The following NCAM2 variants were observed in gnomAD, a reference collection of about 807,000 sequenced individuals.
NCAM2 encodes the protein N-CAM-2.
In NCAM2, 30 loss-of-function variants were observed where a neutral mutation model predicts 98.1. That is an observed-to-expected ratio of 0.31 (90% confidence interval 0.23 to 0.41). The LOEUF (loss-of-function observed/expected upper bound fraction) is 0.41, where lower values mean the gene tolerates loss of function less well. NCAM2 is among the 10% of genes least tolerant of loss of function. NCAM2 has a pLI of 1.00. For synonymous variants in NCAM2, 368 were observed against 342.4 expected, an observed-to-expected ratio of 1.07 and a Z score of -0.83; for missense variants, 867 against 1,005.8, an observed-to-expected ratio of 0.86 and a Z score of 1.87.
intron 1 of NCAM2, among the ~76,000 whole-genome samples, chr21:21,114,216 A>G (rs117181070): frequency 1.1e-3 from 175 of 152,350 alleles, no homozygotes; most frequent in South Asian, 1.4e-3. Flanking sequence ...TTTAGCAGAA[A>G]GATGTGGCAG....
chr21:21,391,746 T>C (rs1284795892), intron 9 of NCAM2, among the ~76,000 whole-genome samples: 1 of 152,182 alleles, frequency 6.6e-6, no homozygotes, highest in African/African-American at 2.4e-5. Context: ...AAATCATTAT[T>C]TTTAGTACTC....
chr21:21,350,945 A>G (rs1177618648), intron 8 of NCAM2, among the ~76,000 whole-genome samples: 81 of 130,778 alleles, frequency 6.2e-4, no homozygotes, highest in Admixed American at 3.4e-3. Context: ...AAAAAAAAAA[A>G]AAAGGAGAGA....
At chr21:21,412,289 G>A (rs990099751) in intron 10 of NCAM2, among the ~76,000 whole-genome samples, 1 of 152,138 alleles carries the variant, frequency 6.6e-6, no homozygotes, top group African/African-American at 2.4e-5. Flanking sequence ...TACCAGTCCT[G>A]TTGGATTAGG....
chr21:21,420,533 AC>A (rs1262575513), intron 11 of NCAM2, among the ~76,000 whole-genome samples: 2 of 151,996 alleles, frequency 1.3e-5, no homozygotes, highest in Non-Finnish European at 2.9e-5. Flanking sequence ...AAATTTTATA[AC>A]CTTTTCAGGT....
chr21:21,021,401 A>T (rs1285998319), intron 1 of NCAM2, among the ~76,000 whole-genome samples: 1 of 152,186 alleles, frequency 6.6e-6, no homozygotes. Flanking sequence ...AGACCTCATC[A>T]AGCAATGGGT....
At chr21:21,140,421 C>A (rs73332400) in intron 1 of NCAM2, among the ~76,000 whole-genome samples, 70 of 152,070 alleles carry the variant, frequency 4.6e-4, no homozygotes, top group African/African-American at 1.5e-3. Context: ...ATAAATAATT[C>A]TTGGTGAAAA....
chr21:21,449,391 C>A (rs1266472157), intron 12 of NCAM2, among the ~76,000 whole-genome samples: 1 of 151,370 alleles, frequency 6.6e-6, no homozygotes, highest in African/African-American at 2.4e-5. Context: ...AAAATTAGAG[C>A]TCATCTGACT....
chr21:21,211,839 T>TA (rs768638678), intron 1 of NCAM2, among the ~76,000 whole-genome samples: 1 of 152,200 alleles, frequency 6.6e-6, no homozygotes, highest in African/African-American at 2.4e-5. Context: ...TGGCCTGGCT[T>TA]GACTATACGC....
At chr21:21,130,508 A>G (rs1354971309) in intron 1 of NCAM2, among the ~76,000 whole-genome samples, 3 of 152,130 alleles carry the variant, frequency 2.0e-5, no homozygotes, top group Non-Finnish European at 4.4e-5. Flanking sequence ...CCCGAATGTA[A>G]AAGCCTAAAT....
intron 4 of NCAM2, among the ~76,000 whole-genome samples, chr21:21,288,278 G>C (rs1320831890): frequency 6.6e-6 from 1 of 151,874 alleles, no homozygotes; most frequent in Non-Finnish European, 1.5e-5. Context: ...TGGATATGGG[G>C]GGTCAGCTAT....
At chr21:21,056,017 A>G (rs1180815495) in intron 1 of NCAM2, among the ~76,000 whole-genome samples, 2 of 152,064 alleles carry the variant, frequency 1.3e-5, no homozygotes, top group African/African-American at 4.8e-5. Context: ...TGCTAGCAAT[A>G]TTTTTATAGT....
intron 1 of NCAM2, among the ~76,000 whole-genome samples, chr21:21,037,022 C>A (rs1023763891): frequency 6.6e-6 from 1 of 152,082 alleles, no homozygotes; most frequent in Non-Finnish European, 1.5e-5. Flanking sequence ...TGTCAAGTAC[C>A]TATATTTTGG....
chr21:21,033,827 G>C (rs968665071), intron 1 of NCAM2, among the ~76,000 whole-genome samples: 3 of 152,096 alleles, frequency 2.0e-5, no homozygotes, highest in Non-Finnish European at 4.4e-5. Context: ...TTTCTCTATA[G>C]ATGCAAATCT....
In NCAM2 at chr21:21,541,469, G is replaced by A. The variant is rs1990229579; in HGVS notation, c.*3512G>A. 6.6e-6 allele frequency: 1 copy of A among 151,300 alleles called. No individual in the cohort carries two copies. Among genetic ancestry groups the A allele is most frequent in the Admixed American group, 6.6e-5 (1 of 15,158 alleles). 9.4% of individuals were successfully genotyped at this position (151,300 alleles called of 1,614,324 possible). On this transcript the variant is annotated 3_prime_UTR_variant, in exon 18 of 18. Transcript: ENST00000400546. ...ACATGAAATATTCTTAATCTGTTCT[G>A]TATTGTTTTTCTAAACAATAAATAC... is the stretch of plus-strand genomic sequence containing the variant.
At chr21:21,209,031 T>G (rs2069546519) in intron 1 of NCAM2, among the ~76,000 whole-genome samples, 3 of 152,068 alleles carry the variant, frequency 2.0e-5, no homozygotes, top group Admixed American at 2.0e-4. Flanking sequence ...AATGTAAAAA[T>G]AATTCTGAAT....
At chr21:21,176,060 T>C (rs2068278339) in intron 1 of NCAM2, among the ~76,000 whole-genome samples, 1 of 152,010 alleles carries the variant, frequency 6.6e-6, no homozygotes, top group Middle Eastern at 3.2e-3. Context: ...TTACCAAGAA[T>C]ACAGAAAACT....
intron 16 of NCAM2, among the ~76,000 whole-genome samples, chr21:21,509,549 A>G (rs1179725629): frequency 6.6e-6 from 1 of 152,200 alleles, no homozygotes; most frequent in African/African-American, 2.4e-5. Flanking sequence ...GTGCTATAAA[A>G]TACAATATTA....
intron 1 of NCAM2, among the ~76,000 whole-genome samples, chr21:21,035,732 G>A (rs929188123): frequency 2.6e-5 from 4 of 152,116 alleles, no homozygotes; most frequent in Non-Finnish European, 4.4e-5. Context: ...TTTGATAAGA[G>A]TATTTGATAA....
chr21:21,246,273 C>T (rs984063477), intron 1 of NCAM2, among the ~76,000 whole-genome samples: 1 of 151,992 alleles, frequency 6.6e-6, no homozygotes, highest in Non-Finnish European at 1.5e-5. Context: ...AGCTCATGAG[C>T]TTATAAGATC....
Sources: gnomAD v4.1 joint callset for allele counts (sites outside exome capture counted in the v4.1 genomes callset) on GRCh38, gnomAD v4.1.1 for gene constraint, MANE v1.5 for transcripts, NCBI Gene and HGNC (gene_info 2026-07-23, HGNC 2026-07-21) for gene names.